The following KIAA1191 variants were observed in gnomAD, a reference collection of about 807,000 sequenced individuals.
KIAA1191 encodes KIAA1191.
In KIAA1191, 22 loss-of-function variants were observed where a neutral mutation model predicts 31.1. The observed-to-expected ratio is 0.71, with a 90% CI of 0.51 to 1.01. The LOEUF (loss-of-function observed/expected upper bound fraction) is 1.01. Ranked by LOEUF, KIAA1191 falls within the 50% of genes least tolerant of loss-of-function variation. The pLI, the probability that KIAA1191 is intolerant of heterozygous loss-of-function variation, is 0.00. For missense variants in KIAA1191, 319 were observed against 388.0 expected, an observed-to-expected ratio of 0.82 and a Z score of 1.49; for synonymous variants, 130 against 143.9, an observed-to-expected ratio of 0.90 and a Z score of 0.69.
chr5:176,354,756 G>T (rs1228676226), intron 4 of KIAA1191, among the ~76,000 whole-genome samples: 1 of 152,168 alleles, frequency 6.6e-6, no homozygotes, highest in Non-Finnish European at 1.5e-5. Flanking sequence ...CTGCAGATAA[G>T]AGTACAAACC....
intron 5 of KIAA1191, among the ~76,000 whole-genome samples, chr5:176,351,116 G>A (rs1056159243): frequency 6.6e-6 from 1 of 152,220 alleles, no homozygotes; most frequent in African/African-American, 2.4e-5. Context: ...GTCAAGGCGG[G>A]CGGATCAAGA....
At chr5:176,351,295 C>T (rs1290737272) in intron 5 of KIAA1191, among the ~76,000 whole-genome samples, 1 of 150,070 alleles carries the variant, frequency 6.7e-6, no homozygotes, top group Non-Finnish European at 1.5e-5. Flanking sequence ...GAGTCGAGAT[C>T]GTGCCACTGC....
intron 2 of KIAA1191, 30 bp from the exon 3 acceptor site, chr5:176,359,597 T>C (rs1767815568): frequency 1.4e-5 from 15 of 1,037,632 alleles, no homozygotes; most frequent in Middle Eastern, 2.0e-4. Flanking sequence ...CATTTTCTTA[T>C]GGTGAGCAGC....
intron 6 of KIAA1191, among the ~76,000 whole-genome samples, chr5:176,350,181 C>A (rs535967421): frequency 6.6e-6 from 1 of 152,318 alleles, no homozygotes; most frequent in Admixed American, 6.5e-5. Context: ...GAAAGAAAGT[C>A]ATTTGAAACT....
rs1287746506 is a variant in KIAA1191 at position 176,352,644 on chromosome 5, G to A, written c.312C>T (p.Val104=). ...VPVVKAKATH[V]IMNSLITKQT... ...TACTTGTGATCAGAGAATTCATGAT[G>A]ACATGGGTAGCTTTAGCCTTCACCA... The change falls in exon 5 of 9, where the codon GTC becomes GTT. Residue 104 remains valine (V), a synonymous_variant. Coordinates refer to ENST00000298569, the MANE Select transcript of KIAA1191 (RefSeq NM_020444.5). The A allele has an allele frequency of 2.5e-6, 4 of 1,613,772 alleles. No individual in the cohort carries two copies. The highest frequency in any genetic ancestry group is 1.1e-5 in the South Asian group (1 of 91,060).
Position 176,361,323 on chromosome 5 carries a change from G to A in KIAA1191, c.-168+279C>T, listed in dbSNP as rs1308016167. 6.6e-6 allele frequency: 1 copy of A among 152,450 alleles called. No homozygotes were observed. Among genetic ancestry groups the A allele is most frequent in the Admixed American group, 6.5e-5 (1 of 15,284 alleles). The allele number at this position is 152,450 out of a possible 1,614,324, so 9.4% of individuals were successfully genotyped here. On this transcript the variant is annotated intron_variant, in intron 1 of 8. Coordinates refer to ENST00000298569, the MANE Select transcript of KIAA1191 (RefSeq NM_020444.5). This position sits in a 1 kb window ranked among gnomAD's most constrained non-coding sequence, Gnocchi z 4.0. ...GAGATGAGGTTGAGGACAAGCCGCG[G>A]GGGCTCGGGCTGGGCTGGTCCCACG...
chr5:176,358,626 A>G lies in KIAA1191; in HGVS notation c.28+855T>C, dbSNP rs181033767. The stretch of plus-strand genomic sequence containing the variant: ...AGCTACTCGAGGCTGAGGCAGGAGA[A>G]TCACTTGAGCCCAGGAGGCGGAGGT... On this transcript the variant is annotated intron_variant, in intron 3 of 8. Coordinates refer to ENST00000298569, the MANE Select transcript of KIAA1191 (RefSeq NM_020444.5). Among the ~76,000 whole-genome samples the G allele has an allele frequency of 1.3e-3, 195 of 152,202 alleles. 1 individual carries two copies. Among genetic ancestry groups the G allele is most frequent in the African/African-American group, 4.6e-3 (189 of 41,524 alleles).
chr5:176,355,515 G>C lies in KIAA1191; in HGVS notation c.207+56C>G. 1 of 1,547,132 alleles carries C rather than the reference G, an allele frequency of 6.5e-7. No homozygotes were observed. Among genetic ancestry groups the C allele is most frequent in the East Asian group, 2.3e-5 (1 of 44,208 alleles). On this transcript the variant is annotated intron_variant, in intron 4 of 8. Coordinates refer to ENST00000298569, the MANE Select transcript of KIAA1191 (RefSeq NM_020444.5). This position sits in a 1 kb window ranked among gnomAD's most constrained non-coding sequence, Gnocchi z 4.2. ...CAGGGAGCCACTGAAGGCTTCTGGA[G>C]CAGAGGAAGGACAAAGGGGTTGCGT...
chr5:176,360,157 T>TC (rs1767873134), intron 1 of KIAA1191, among the ~76,000 whole-genome samples: 1 of 148,694 alleles, frequency 6.7e-6, no homozygotes, highest in Non-Finnish European at 1.5e-5. Context: ...ATCCCAATTT[T>TC]TTTTTTTTTT....
At chr5:176,358,645 C>T (rs926015527) in intron 3 of KIAA1191, among the ~76,000 whole-genome samples, 1 of 151,712 alleles carries the variant, frequency 6.6e-6, no homozygotes, top group Non-Finnish European at 1.5e-5. Flanking sequence ...GCCCAGGAGG[C>T]GGAGGTTGCA....
At position 176,348,280 on chromosome 5, in the gene KIAA1191, G is replaced by C; in HGVS notation, c.536C>G (p.Thr179Ser). The part of the protein sequence containing the change: ...PASAQSTPST[T>S]PHSSPKQRPR... Reference sequence around the variant, plus strand: ...CCTCTGCTTAGGTGAAGAGTGCGGAGTGGTGCTTGGGGTGGACTGGGCTGA... The same window carrying C: ...CCTCTGCTTAGGTGAAGAGTGCGGACTGGTGCTTGGGGTGGACTGGGCTGA... Residue 179 changes from threonine (T) to serine (S), a missense_variant, in exon 7 of 9, where the codon ACT (threonine) becomes AGT (serine). Thr to Ser is a moderately conservative substitution (Grantham distance 58). Coordinates refer to ENST00000298569, the MANE Select transcript of KIAA1191 (RefSeq NM_020444.5). 1.2e-6 allele frequency: 2 copies of C among 1,613,832 alleles called. No individual in the cohort carries two copies. The highest frequency in any genetic ancestry group is 1.7e-6 in the Non-Finnish European group (2 of 1,179,950).
intron 4 of KIAA1191, chr5:176,354,472 A>G (rs528206868): frequency 6.6e-6 from 1 of 152,412 alleles, no homozygotes; most frequent in South Asian, 2.1e-4. Context: ...TGGTGGCTGG[A>G]GAGTCAGAGG....
rs750033735 is a variant in KIAA1191, at chr5:176,347,797, T to C, written c.721A>G (p.Thr241Ala). Residue 241 changes from threonine (T) to alanine (A), a missense_variant, in exon 9 of 9, where the codon ACC becomes GCC. Transcript: ENST00000298569. ...LQKYDSGSFA[T>A]QAYRGAQKPS... The stretch of plus-strand genomic sequence containing the variant: ...TTCTGGGCTCCTCGGTAGGCCTGGG[T>C]GGCAAAACTTCCTACAAAAGTGAAC... The C allele has an allele frequency of 6.2e-7, 1 of 1,601,226 alleles. No individual in the cohort carries two copies. Among genetic ancestry groups the C allele is most frequent in the Non-Finnish European group, 8.5e-7 (1 of 1,173,612 alleles).
chr5:176,358,862 A>G (rs1581378162), intron 3 of KIAA1191, among the ~76,000 whole-genome samples: 1 of 152,282 alleles, frequency 6.6e-6, no homozygotes, highest in East Asian at 1.9e-4. Flanking sequence ...AGGCGGGCGG[A>G]TCACAAGGTC....
At position 176,355,191 on chromosome 5, in the gene KIAA1191, AAG is replaced by A. The variant is rs1767393253; in HGVS notation, c.207+378_207+379del. On this transcript the variant is annotated intron_variant, in intron 4 of 8. Coordinates refer to ENST00000298569, the MANE Select transcript of KIAA1191 (RefSeq NM_020444.5). The surrounding 1 kb of genome is among the most constrained non-coding windows in gnomAD (Gnocchi z 4.2). ...TGGATTTAGCTCTGTGGGGAATATGAAGAGTCTCAGGAGCAGACAAGGCCATT... is the reference window on the plus strand; with the variant it reads ...TGGATTTAGCTCTGTGGGGAATATGAAGTCTCAGGAGCAGACAAGGCCATT... Among the ~76,000 whole-genome samples, 1 of 152,072 alleles carries A rather than the reference AAG, an allele frequency of 6.6e-6. No individual in the cohort carries two copies. The highest frequency in any genetic ancestry group is 2.1e-4 in the South Asian group (1 of 4,816).
intron 5 of KIAA1191, among the ~76,000 whole-genome samples, chr5:176,351,695 T>G (rs1036391656): frequency 1.3e-5 from 2 of 151,668 alleles, no homozygotes; most frequent in African/African-American, 4.8e-5. Flanking sequence ...GAGGCGAAGG[T>G]TGTGGTGAGC....
intron 5 of KIAA1191, 86 bp from the exon 6 acceptor site, chr5:176,350,823 C>A: frequency 6.6e-7 from 1 of 1,521,516 alleles, no homozygotes. Flanking sequence ...ACTATTCTCC[C>A]CAGAAGCAAG....
chr5:176,348,300 G>C lies in KIAA1191; in HGVS notation c.516C>G (p.Ala172=). 1 of 1,613,644 alleles carries C rather than the reference G, an allele frequency of 6.2e-7. No individual in the cohort carries two copies. Among genetic ancestry groups the C allele is most frequent in the Non-Finnish European group, 8.5e-7 (1 of 1,179,932 alleles). Residue 172 remains alanine (A), a synonymous_variant, in exon 7 of 9, where the codon GCC becomes GCG. Transcript: ENST00000298569. ...VTKEERQPAS[A]QSTPSTTPHS... Reference sequence around the variant, plus strand: ...GCGGAGTGGTGCTTGGGGTGGACTGGGCTGATGCAGGCTGCCTCTCTTCTT... The same window carrying C: ...GCGGAGTGGTGCTTGGGGTGGACTGCGCTGATGCAGGCTGCCTCTCTTCTT...
chr5:176,359,798 A>G lies in KIAA1191; in HGVS notation c.-60+13T>C. The G allele has an allele frequency of 2.9e-6, 1 of 339,088 alleles. No individual in the cohort carries two copies. Among genetic ancestry groups the G allele is most frequent in the Non-Finnish European group, 5.7e-6 (1 of 174,292 alleles). 21.0% of individuals were successfully genotyped at this position (339,088 alleles called of 1,614,324 possible). On this transcript the variant is annotated intron_variant, in intron 2 of 8. Coordinates refer to ENST00000298569, the MANE Select transcript of KIAA1191 (RefSeq NM_020444.5). ...GAGCTAAGATGCCATACATGGTGAA[A>G]AAGTCACCTTACCACAGTGAAATGA...
Sources: gnomAD v4.1 joint callset for allele counts (sites outside exome capture counted in the v4.1 genomes callset) on GRCh38, gnomAD v4.1.1 for gene constraint, Gnocchi (gnomAD v3.1) non-coding constraint, MANE v1.5 for transcripts, NCBI Gene and HGNC (gene_info 2026-07-23, HGNC 2026-07-21) for gene names.